Variants in ELF2 observed in about 807,000 individuals in gnomAD.
ELF2 encodes ETS-related transcription factor Elf-2.
In ELF2, 11 loss-of-function variants were observed where a neutral mutation model predicts 54.8. That is an observed-to-expected ratio of 0.20 (90% CI 0.13 to 0.33). The LOEUF (loss-of-function observed/expected upper bound fraction) is 0.33, where lower values mean the gene tolerates loss of function less well. ELF2 is among the 10% of genes least tolerant of loss of function. The pLI is 1.00. For synonymous variants in ELF2, 203 were observed against 245.1 expected (o/e 0.83, Z 1.61); for missense variants, 513 against 703.0 (o/e 0.73, Z 3.06).
At chr4:139,082,606 CAT>C (rs1464149489) in intron 4 of ELF2, among the ~76,000 whole-genome samples, 1 of 152,170 alleles carries the variant, frequency 6.6e-6, no homozygotes, top group Admixed American at 6.5e-5. Context: ...AATTTTGATA[CAT>C]GTGTTCATGA....
chr4:139,109,354 C>G (rs1323889383), intron 4 of ELF2, among the ~76,000 whole-genome samples: 2 of 152,124 alleles, frequency 1.3e-5, no homozygotes, highest in South Asian at 4.1e-4. Flanking sequence ...CATTAAGAAG[C>G]AGCAGACTTA....
At chr4:139,102,173 G>C (rs991002627) in intron 4 of ELF2, 4 of 151,858 alleles carry the variant, frequency 2.6e-5, no homozygotes, top group Non-Finnish European at 5.9e-5. Flanking sequence ...CAGAAAAAAG[G>C]TCATATGGGG....
At chr4:139,084,273 C>T in intron 4 of ELF2, 1 of 1,604,288 alleles carries the variant, frequency 6.2e-7, no homozygotes, top group Non-Finnish European at 8.5e-7. Context: ...GAACCCGCGG[C>T]CGGAGACACA....
intron 3 of ELF2, among the ~76,000 whole-genome samples, chr4:139,126,213 A>G (rs1054045776): frequency 6.6e-6 from 1 of 152,228 alleles, no homozygotes; most frequent in Non-Finnish European, 1.5e-5. Flanking sequence ...CTTGGAAGAT[A>G]AAATTGAGGC....
At chr4:139,125,449 A>T in intron 3 of ELF2, 120 bp from the exon 4 acceptor site, 1 of 1,201,122 alleles carries the variant, frequency 8.3e-7, no homozygotes, top group Non-Finnish European at 1.1e-6. Flanking sequence ...AATATTATAA[A>T]TATGAATGTA....
At chr4:139,096,789 A>G (rs1004191827) in intron 4 of ELF2, among the ~76,000 whole-genome samples, 5 of 151,960 alleles carry the variant, frequency 3.3e-5, no homozygotes, top group African/African-American at 1.2e-4. Context: ...AAATTTTAAC[A>G]TTATCCTTTC....
intron 1 of ELF2, among the ~76,000 whole-genome samples, chr4:139,148,548 T>C (rs958807844): frequency 7.2e-5 from 11 of 152,012 alleles, no homozygotes; most frequent in Admixed American, 7.2e-4. Flanking sequence ...CATTTACATG[T>C]AACATCTGTT....
At chr4:139,097,033 G>T in intron 4 of ELF2, among the ~76,000 whole-genome samples, 1 of 151,572 alleles carries the variant, frequency 6.6e-6, no homozygotes, top group Non-Finnish European at 1.5e-5. Flanking sequence ...ACTTTACTTG[G>T]ATTTATTCTG....
At chr4:139,065,653 T>C (rs1260461038) in intron 7 of ELF2, among the ~76,000 whole-genome samples, 3 of 152,176 alleles carry the variant, frequency 2.0e-5, no homozygotes, top group Non-Finnish European at 2.9e-5. Context: ...CTTCAATTAA[T>C]TACATTATAA....
At chr4:139,070,298 T>G (rs567525951) in intron 6 of ELF2, among the ~76,000 whole-genome samples, 13 of 146,524 alleles carry the variant, frequency 8.9e-5, no homozygotes, top group South Asian at 2.1e-4. Flanking sequence ...AAATGTGGTG[T>G]TTTTTTTTTT....
chr4:139,114,091 CAA>C (rs1458685388), intron 4 of ELF2, among the ~76,000 whole-genome samples: 2 of 152,000 alleles, frequency 1.3e-5, no homozygotes, highest in African/African-American at 4.8e-5. Flanking sequence ...TTTTAGATCT[CAA>C]AGTTATACTA....
At position 139,121,095 on chromosome 4, in the gene ELF2, A is replaced by ATTTTTTT. The variant is rs10711256; in HGVS notation, c.238+4062_238+4068dup. Among the ~76,000 whole-genome samples, 24 of 65,084 alleles carry ATTTTTTT rather than the reference A, an allele frequency of 3.7e-4. 2 individuals are homozygous for ATTTTTTT. The highest frequency in any genetic ancestry group is 1.5e-3 in the African/African-American group (20 of 13,092). 42.7% of individuals were successfully genotyped at this position (65,084 alleles called of 152,430 possible). A position where few individuals can be genotyped will look rare whatever the true frequency, so the allele number is the denominator to read the frequency against. On this transcript the variant is annotated intron_variant, in intron 4 of 9. Transcript: ENST00000686138. Reference sequence around the variant, plus strand: ...GCTTTGTATTTTGAATATAACACAGATTTTTTTTTTTTTTTTTTTTTTTTT... The same window carrying ATTTTTTT: ...GCTTTGTATTTTGAATATAACACAGATTTTTTTTTTTTTTTTTTTTTTTTTTTTTTTT...
At chr4:139,116,117 T>C (rs796724612) in intron 4 of ELF2, among the ~76,000 whole-genome samples, 30 of 152,352 alleles carry the variant, frequency 2.0e-4, no homozygotes, top group African/African-American at 7.0e-4. Flanking sequence ...TGAGCCACTA[T>C]ACCTGGCTGA....
chr4:139,092,409 T>TAACAA (rs879660732), intron 4 of ELF2, among the ~76,000 whole-genome samples: 1 of 82,636 alleles, frequency 1.2e-5, no homozygotes. Flanking sequence ...TAACATAACA[T>TAACAA]AACATACATA....
chr4:139,109,532 TA>T (rs1734751864), intron 4 of ELF2, among the ~76,000 whole-genome samples: 1 of 152,228 alleles, frequency 6.6e-6, no homozygotes, highest in Non-Finnish European at 1.5e-5. Context: ...TTAAAAGAGA[TA>T]CCTCTTCTTT....
At chr4:139,084,315 GCA>G (rs1731664021) in intron 4 of ELF2, 3 of 1,581,054 alleles carry the variant, frequency 1.9e-6, no homozygotes, top group African/African-American at 2.7e-5. Flanking sequence ...TCACGCACTC[GCA>G]CACACTCCGA....
chr4:139,073,429 A>T (rs145472597), intron 5 of ELF2, 25 bp downstream of exon 5: 2 of 1,513,240 alleles, frequency 1.3e-6, no homozygotes, highest in East Asian at 4.6e-5. Context: ...GACACGTTTA[A>T]CATAAGAATG....
At chr4:139,114,517 C>T (rs866819434) in intron 4 of ELF2, among the ~76,000 whole-genome samples, 27 of 141,684 alleles carry the variant, frequency 1.9e-4, no homozygotes, top group Admixed American at 6.3e-4. Flanking sequence ...GAGCTGAGAT[C>T]GCGCCACTGC....
intron 1 of ELF2, among the ~76,000 whole-genome samples, chr4:139,142,116 C>T (rs1738762840): frequency 6.6e-6 from 1 of 152,132 alleles, no homozygotes; most frequent in Admixed American, 6.5e-5. Context: ...TAAAATAGTA[C>T]ACCATACCTG....
Sources: allele counts gnomAD v4.1 joint callset (sites outside exome capture counted in the v4.1 genomes callset), GRCh38; gene constraint gnomAD v4.1.1; transcripts MANE v1.5; gene names NCBI Gene and HGNC (gene_info 2026-07-23, HGNC 2026-07-21).